Variants in LARGE1 observed in about 807,000 individuals in gnomAD.
LARGE1 encodes xylosyl- and glucuronyltransferase LARGE1.
In LARGE1, 43 loss-of-function variants were observed where a neutral mutation model predicts 87.6. The observed-to-expected ratio is 0.49, with a 90% confidence interval of 0.38 to 0.63. The LOEUF is 0.63. Among genes scored for constraint, LARGE1 ranks in the 30% least tolerant of loss-of-function variants. The pLI, the probability that LARGE1 is intolerant of heterozygous loss-of-function variation, is 0.00. For synonymous variants in LARGE1, 434 were observed against 394.6 expected (o/e 1.10, Z -1.18); for missense variants, 802 against 1,000.2 (o/e 0.80, Z 2.67).
chr22:33,442,834 C>G (rs575920170), intron 6 of LARGE1, among the ~76,000 whole-genome samples: 3 of 151,428 alleles, frequency 2.0e-5, no homozygotes, highest in Admixed American at 6.6e-5. Flanking sequence ...GCTCTGCCGC[C>G]CAGGCTGGAG....
intron 9 of LARGE1, among the ~76,000 whole-genome samples, chr22:33,348,044 C>A (rs185598473): frequency 1.1e-4 from 16 of 152,154 alleles, no homozygotes; most frequent in African/African-American, 3.4e-4. Context: ...ACCTGAGGGG[C>A]AAGGACAGGG....
chr22:33,217,163 T>G (rs1379422261), intron 11 of LARGE1, among the ~76,000 whole-genome samples: 1 of 151,030 alleles, frequency 6.6e-6, no homozygotes, highest in African/African-American at 2.4e-5. Context: ...CAAAAGAATC[T>G]GGAAGCAACC....
intron 5 of LARGE1, among the ~76,000 whole-genome samples, chr22:33,588,625 A>G (rs2148906237): frequency 6.6e-6 from 1 of 152,320 alleles, no homozygotes; most frequent in East Asian, 1.9e-4. Flanking sequence ...GAATATAAGT[A>G]ATCCCTGAAA....
At chr22:33,788,534 G>C (rs138072733) in intron 1 of LARGE1, among the ~76,000 whole-genome samples, 1 of 152,312 alleles carries the variant, frequency 6.6e-6, no homozygotes, top group Non-Finnish European at 1.5e-5. Flanking sequence ...AGGAAGATGT[G>C]GGAAGTTTTG....
At position 33,602,923 on chromosome 22, in the gene LARGE1, G is replaced by A. The variant is rs1221297476; in HGVS notation, c.615+1512C>T. Reference sequence around the variant, plus strand: ...GAACACAGCGGCAGAGGCATCCTTCGGAACCAGCTGCTGCTCCTCCTCCCA... The same window carrying A: ...GAACACAGCGGCAGAGGCATCCTTCAGAACCAGCTGCTGCTCCTCCTCCCA... On this transcript the variant is annotated intron_variant, in intron 5 of 14. Coordinates refer to ENST00000397394, the MANE Select transcript of LARGE1 (RefSeq NM_133642.5). Among the ~76,000 whole-genome samples the A allele has an allele frequency of 3.3e-5, 5 of 152,148 alleles. No homozygotes were observed. The East Asian group carries it at 7.7e-4, about 23-fold the overall frequency.
intron 11 of LARGE1, among the ~76,000 whole-genome samples, chr22:33,264,700 T>G (rs1362081012): frequency 5.3e-5 from 8 of 152,068 alleles, no homozygotes; most frequent in Non-Finnish European, 1.0e-4. Flanking sequence ...TTTGCCTTTT[T>G]GCCTTTTCCT....
chr22:33,500,609 A>T (rs752881594), intron 6 of LARGE1, among the ~76,000 whole-genome samples: 9 of 152,196 alleles, frequency 5.9e-5, no homozygotes, highest in Non-Finnish European at 1.2e-4. Flanking sequence ...CTCTAACTGC[A>T]GAATCACTCT....
At chr22:33,356,643 G>T (rs1368004991) in intron 9 of LARGE1, among the ~76,000 whole-genome samples, 1 of 152,136 alleles carries the variant, frequency 6.6e-6, no homozygotes, top group Admixed American at 6.5e-5. Context: ...GGTGGTGTGT[G>T]CCAGTAATCC....
intron 5 of LARGE1, among the ~76,000 whole-genome samples, chr22:33,572,996 C>A (rs1325657217): frequency 6.6e-6 from 1 of 152,172 alleles, no homozygotes; most frequent in African/African-American, 2.4e-5. Context: ...AGCAGTTAAA[C>A]CTCTATGTAC....
intron 11 of LARGE1, among the ~76,000 whole-genome samples, chr22:33,252,135 C>G (rs1013489630): frequency 6.6e-6 from 1 of 152,074 alleles, no homozygotes; most frequent in Non-Finnish European, 1.5e-5. Context: ...ATACTGCATA[C>G]TCAACAAATG....
chr22:33,346,332 C>T (rs1939759405), intron 9 of LARGE1, among the ~76,000 whole-genome samples: 1 of 150,422 alleles, frequency 6.6e-6, no homozygotes, highest in African/African-American at 2.4e-5. Flanking sequence ...GACAGAGTCT[C>T]AATCTTGTCA....
chr22:33,772,002 C>T (rs1290550997), intron 1 of LARGE1, among the ~76,000 whole-genome samples: 5 of 152,212 alleles, frequency 3.3e-5, no homozygotes, highest in Admixed American at 2.0e-4. Flanking sequence ...ATGCCCGTGG[C>T]TTCTGCATTA....
At chr22:33,229,067 T>A (rs753444241) in intron 11 of LARGE1, among the ~76,000 whole-genome samples, 1 of 152,216 alleles carries the variant, frequency 6.6e-6, no homozygotes, top group African/African-American at 2.4e-5. Flanking sequence ...GCCTGAAGCA[T>A]GTGTTGTAGG....
chr22:33,327,383 T>C (rs548676859), intron 10 of LARGE1, among the ~76,000 whole-genome samples: 6 of 152,274 alleles, frequency 3.9e-5, no homozygotes, highest in African/African-American at 1.4e-4. Context: ...AGAGCGGGTA[T>C]CCAAGACAAG....
intron 11 of LARGE1, among the ~76,000 whole-genome samples, chr22:33,313,307 G>A (rs1935806291): frequency 6.6e-6 from 1 of 151,756 alleles, no homozygotes; most frequent in Non-Finnish European, 1.5e-5. Context: ...CTCAACTCAG[G>A]TACTACCTCC....
intron 9 of LARGE1, among the ~76,000 whole-genome samples, chr22:33,344,917 T>C (rs1452190000): frequency 6.6e-6 from 1 of 152,026 alleles, no homozygotes; most frequent in East Asian, 1.9e-4. Context: ...AAGCTGGTGG[T>C]GTAGGCATTT....
chr22:33,368,449 G>A (rs1038022990), intron 9 of LARGE1, among the ~76,000 whole-genome samples: 9 of 144,066 alleles, frequency 6.2e-5, no homozygotes, highest in Middle Eastern at 4.0e-3. Flanking sequence ...CAGGAGAATC[G>A]TTTGAACATG....
intron 1 of LARGE1, among the ~76,000 whole-genome samples, chr22:33,858,688 T>C (rs188471047): frequency 6.6e-6 from 1 of 152,310 alleles, no homozygotes; most frequent in East Asian, 1.9e-4. Context: ...TCTCTCACCA[T>C]TACTGGGTAC....
At chr22:33,892,751 C>T (rs2065036068) in intron 1 of LARGE1, among the ~76,000 whole-genome samples, 1 of 152,198 alleles carries the variant, frequency 6.6e-6, no homozygotes, top group Non-Finnish European at 1.5e-5. Flanking sequence ...TATTAGTTTG[C>T]TACAGGTCCC....
Sources: gnomAD v4.1 joint callset for allele counts (sites outside exome capture counted in the v4.1 genomes callset) on GRCh38, gnomAD v4.1.1 for gene constraint, MANE v1.5 for transcripts, NCBI Gene and HGNC (gene_info 2026-07-23, HGNC 2026-07-21) for gene names.